Variants in GPC6 observed in about 807,000 individuals in gnomAD.
GPC6 encodes glypican 6.
Under a neutral mutation model 55.2 loss-of-function variants are expected in GPC6, and 14 were observed. That is an observed-to-expected ratio of 0.25 (90% CI 0.17 to 0.40). GPC6 has a LOEUF of 0.40. GPC6 is among the 10% of genes least tolerant of loss of function. The probability of loss-of-function intolerance (pLI) is 1.00; values close to 1 mark genes in which losing one functional copy is unlikely to be tolerated. For synonymous variants in GPC6, 278 were observed against 259.6 expected, an observed-to-expected ratio of 1.07 and a Z score of -0.68; for missense variants, 641 against 708.5, an observed-to-expected ratio of 0.90 and a Z score of 1.08.
intron 1 of GPC6, among the ~76,000 whole-genome samples, chr13:93,453,357 A>G (rs182454401): frequency 3.6e-4 from 55 of 152,192 alleles, no homozygotes; most frequent in Non-Finnish European, 1.9e-4. Context: ...AGTTGAAATT[A>G]GAACATTGAG....
At chr13:93,732,614 A>G (rs1007518906) in intron 2 of GPC6, among the ~76,000 whole-genome samples, 1 of 152,164 alleles carries the variant, frequency 6.6e-6, no homozygotes, top group South Asian at 2.1e-4. Context: ...GGAAAACTAT[A>G]ACTTATTAAA....
At chr13:93,821,404 A>G (rs1275693658) in intron 2 of GPC6, among the ~76,000 whole-genome samples, 1 of 152,120 alleles carries the variant, frequency 6.6e-6, no homozygotes, top group Non-Finnish European at 1.5e-5. Flanking sequence ...AAATACTCAT[A>G]TAGGAAAGGT....
chr13:93,283,357 C>T (rs1472610702), intron 1 of GPC6, among the ~76,000 whole-genome samples: 3 of 152,090 alleles, frequency 2.0e-5, no homozygotes, highest in Non-Finnish European at 2.9e-5. Flanking sequence ...AAGGTAAGGT[C>T]GCATAGGATG....
chr13:94,339,002 T>C (rs913812004), intron 6 of GPC6, among the ~76,000 whole-genome samples: 2 of 152,122 alleles, frequency 1.3e-5, no homozygotes, highest in Admixed American at 6.5e-5. Flanking sequence ...GGGTAAACCC[T>C]GAATCAGTTA....
chr13:93,516,224 C>T (rs915894876), intron 1 of GPC6, among the ~76,000 whole-genome samples: 6 of 152,082 alleles, frequency 3.9e-5, no homozygotes, highest in Non-Finnish European at 7.4e-5. Context: ...TTCACAGCAC[C>T]GATGTTATCA....
chr13:94,266,762 A>G (rs1246120509), intron 4 of GPC6, among the ~76,000 whole-genome samples: 1 of 152,218 alleles, frequency 6.6e-6, no homozygotes, highest in African/African-American at 2.4e-5. Flanking sequence ...GAAGTCTGGT[A>G]TCAAGTACAG....
At position 93,545,256 on chromosome 13, in the gene GPC6, A is replaced by G. The variant is rs1184923102; in HGVS notation, c.161-7A>G. On this transcript the variant is annotated splice_polypyrimidine_tract_variant and splice_region_variant and intron_variant, in intron 1 of 8. Coordinates refer to ENST00000377047, the MANE Select transcript of GPC6 (RefSeq NM_005708.5). The stretch of plus-strand genomic sequence containing the variant: ...ATGCAATAGTGACATTTAACTTCTC[A>G]TTGCAGGGGAACACTTAAGAATCTG... 1.2e-6 allele frequency: 2 copies of G among 1,611,122 alleles called. No homozygotes were observed. The highest frequency in any genetic ancestry group is 3.3e-5 in the Admixed American group (2 of 60,002).
intron 2 of GPC6, among the ~76,000 whole-genome samples, chr13:93,820,312 C>T (rs1566551468): frequency 6.6e-6 from 1 of 151,684 alleles, no homozygotes. Flanking sequence ...GGAGTATTGC[C>T]CTAGAACTCT....
chr13:93,379,161 C>T (rs1217558212), intron 1 of GPC6, among the ~76,000 whole-genome samples: 1 of 152,036 alleles, frequency 6.6e-6, no homozygotes, highest in East Asian at 1.9e-4. Flanking sequence ...TTAGGTAATC[C>T]TCCCACCTCA....
chr13:93,314,643 G>T (rs942726454), intron 1 of GPC6, among the ~76,000 whole-genome samples: 5 of 151,964 alleles, frequency 3.3e-5, no homozygotes, highest in Non-Finnish European at 7.4e-5. Context: ...GAGCATAACT[G>T]CAGCAGAGAA....
chr13:93,700,565 A>C (rs1015238219), intron 2 of GPC6, among the ~76,000 whole-genome samples: 1 of 152,102 alleles, frequency 6.6e-6, no homozygotes. Context: ...AATATTGATT[A>C]GGAGTTTTTC....
intron 3 of GPC6, among the ~76,000 whole-genome samples, chr13:93,943,756 TA>T (rs1349056963): frequency 6.6e-6 from 1 of 152,114 alleles, no homozygotes; most frequent in African/African-American, 2.4e-5. Flanking sequence ...TCTCCTACGC[TA>T]AAAAAGCAAA....
upstream of GPC6, among the ~76,000 whole-genome samples, chr13:93,224,356 A>C (rs964344214): frequency 1.0e-3 from 157 of 150,824 alleles, 2 homozygotes; most frequent in Admixed American, 0.01. Context: ...CAGCACGCCC[A>C]GCTAATTTTG....
chr13:94,076,144 TA>T (rs71126429), intron 4 of GPC6, among the ~76,000 whole-genome samples: 4 of 149,784 alleles, frequency 2.7e-5, no homozygotes, highest in Non-Finnish European at 5.9e-5. Flanking sequence ...TTTTTTTTTT[TA>T]AATAATGATC....
At chr13:94,283,478 C>T (rs375950627) in intron 4 of GPC6, among the ~76,000 whole-genome samples, 16 of 152,186 alleles carry the variant, frequency 1.1e-4, no homozygotes, top group African/African-American at 3.4e-4. Context: ...AAGTAGAGGG[C>T]CTTGGCCCAG....
At chr13:93,221,601 A>C in the GPC6 span, among the ~76,000 whole-genome samples, 1 of 152,236 alleles carries the variant, frequency 6.6e-6, no homozygotes, top group Non-Finnish European at 1.5e-5. Context: ...AATAAATGTT[A>C]AATGAACTAT....
rs114680332 is a variant in GPC6, at chr13:94,121,528, A to C, written c.877+93634A>C. 5.5e-3 allele frequency among the ~76,000 whole-genome samples: 843 copies of C among 152,296 alleles called. 11 individuals carry two copies. Among genetic ancestry groups the C allele is most frequent in the African/African-American group, 0.019 (810 of 41,594 alleles). Reference sequence around the variant, plus strand: ...GAAAAGTTTCATTTCTATAACTGGTAAAAATAATTTAACGTGAATATAATG... The same window carrying C: ...GAAAAGTTTCATTTCTATAACTGGTCAAAATAATTTAACGTGAATATAATG... On this transcript the variant is annotated intron_variant, in intron 4 of 8. Coordinates refer to ENST00000377047, the MANE Select transcript of GPC6 (RefSeq NM_005708.5).
At chr13:93,809,501 G>A (rs537353886) in intron 2 of GPC6, among the ~76,000 whole-genome samples, 1 of 152,284 alleles carries the variant, frequency 6.6e-6, no homozygotes, top group South Asian at 2.1e-4. Context: ...TAATTCATAA[G>A]CAAGACACCC....
Position 93,524,582 on chromosome 13 carries a change from A to G in GPC6, c.161-20681A>G, listed in dbSNP as rs1158693420. On this transcript the variant is annotated intron_variant, in intron 1 of 8. Transcript: ENST00000377047. Reference sequence around the variant, plus strand: ...CCATGTTTGCCTCTCTCATACATGTACACACCCTTTATTCAAGTCACTTTA... The same window carrying G: ...CCATGTTTGCCTCTCTCATACATGTGCACACCCTTTATTCAAGTCACTTTA... Among the ~76,000 whole-genome samples the G allele has an allele frequency of 2.6e-5, 4 of 152,052 alleles. No individual in the cohort carries two copies. The East Asian group carries it at 5.8e-4, about 22-fold the overall frequency.
Sources: allele counts gnomAD v4.1 joint callset (sites outside exome capture counted in the v4.1 genomes callset), GRCh38; gene constraint gnomAD v4.1.1; transcripts MANE v1.5; gene names NCBI Gene and HGNC (gene_info 2026-07-23, HGNC 2026-07-21).